The following C3orf49 variants were observed in gnomAD, a reference collection of about 807,000 sequenced individuals.
The protein encoded by C3orf49 is putative uncharacterized protein C3orf49.
A neutral mutation model predicts 13.3 loss-of-function variants in C3orf49; 27 were observed. The observed-to-expected ratio is 2.02, with a 90% CI of 1.49 to 2.79. The LOEUF (loss-of-function observed/expected upper bound fraction) is 2.79, where lower values mean the gene tolerates loss of function less well. C3orf49 is among the 30% of genes most tolerant of loss of function. The pLI is 0.00. For missense variants in C3orf49, 242 were observed against 134.2 expected (o/e 1.80, Z -3.97); for synonymous variants, 87 against 47.6 (o/e 1.83, Z -3.40).
chr3:63,795,689 G>A, the C3orf49 span, among the ~76,000 whole-genome samples: 1 of 152,024 alleles, frequency 6.6e-6, no homozygotes, highest in South Asian at 2.1e-4. Context: ...GACACTCCAG[G>A]CCCCATGTCT....
the C3orf49 span, among the ~76,000 whole-genome samples, chr3:63,801,023 T>C: frequency 6.6e-6 from 1 of 152,108 alleles, no homozygotes; most frequent in East Asian, 1.9e-4. Flanking sequence ...GCTCGCAGTT[T>C]TAGAAGTCAG....
In C3orf49 at chr3:63,842,483, T is replaced by A. The variant is rs994502360; in HGVS notation, c.850-2540T>A. ...CTGATCAATGAGTGAATAAAGAAAATGTGGTATCTATACACCATGGAATAC... is the reference window on the plus strand; with the variant it reads ...CTGATCAATGAGTGAATAAAGAAAAAGTGGTATCTATACACCATGGAATAC... On this transcript the variant is annotated intron_variant, in intron 5 of 6. Transcript: ENST00000295896. Among the ~76,000 whole-genome samples the A allele has an allele frequency of 1.1e-4, 17 of 152,110 alleles. No homozygotes were observed. In the Middle Eastern group the frequency reaches 0.014, roughly 122 times the overall value.
At chr3:63,832,576 T>C (rs1701548654) in intron 5 of C3orf49, among the ~76,000 whole-genome samples, 1 of 151,924 alleles carries the variant, frequency 6.6e-6, no homozygotes, top group South Asian at 2.1e-4. Context: ...ATAGAAGAAT[T>C]GCTTAAGCCT....
At chr3:63,842,955 TA>T (rs1423654769) in intron 5 of C3orf49, among the ~76,000 whole-genome samples, 11 of 151,706 alleles carry the variant, frequency 7.3e-5, no homozygotes. Context: ...CTAATTTTTG[TA>T]TTTTTTTTTT....
the C3orf49 span, chr3:63,782,485 A>G: frequency 1.3e-5 from 2 of 152,218 alleles, no homozygotes; most frequent in African/African-American, 4.8e-5. Flanking sequence ...AAATCTTTAG[A>G]TTTCCAGCTG....
the C3orf49 span, among the ~76,000 whole-genome samples, chr3:63,792,445 A>C: frequency 1.3e-5 from 2 of 152,244 alleles, no homozygotes; most frequent in Non-Finnish European, 2.9e-5. Flanking sequence ...GCCTAAACTA[A>C]ATGATATTTC....
the C3orf49 span, among the ~76,000 whole-genome samples, chr3:63,794,462 G>A: frequency 6.6e-6 from 1 of 152,026 alleles, no homozygotes; most frequent in Non-Finnish European, 1.5e-5. Flanking sequence ...AATTTCCCTT[G>A]ATTCCAAAAT....
the C3orf49 span, among the ~76,000 whole-genome samples, chr3:63,796,030 A>G: frequency 1.3e-5 from 2 of 152,194 alleles, no homozygotes; most frequent in Admixed American, 6.5e-5. Flanking sequence ...ACAAAAATGG[A>G]TAATGTGATA....
chr3:63,790,527 G>A, the C3orf49 span, among the ~76,000 whole-genome samples: 1,475 of 151,244 alleles, frequency 9.8e-3, 14 homozygotes, highest in Middle Eastern at 0.025. Flanking sequence ...ACCTGGGAAC[G>A]AATATTTATT....
At chr3:63,798,296 G>A in the C3orf49 span, among the ~76,000 whole-genome samples, 1 of 152,060 alleles carries the variant, frequency 6.6e-6, no homozygotes, top group African/African-American at 2.4e-5. Flanking sequence ...GGAACTGTTG[G>A]TATGATAGGA....
At chr3:63,829,778 TG>T (rs1701509608) in intron 3 of C3orf49, among the ~76,000 whole-genome samples, 2 of 151,644 alleles carry the variant, frequency 1.3e-5, no homozygotes, top group African/African-American at 4.8e-5. Flanking sequence ...CTGGGCAACA[TG>T]GCAAAACCCC....
intron 2 of C3orf49, among the ~76,000 whole-genome samples, chr3:63,825,222 C>T (rs925670558): frequency 3.3e-5 from 5 of 152,026 alleles, no homozygotes; most frequent in Non-Finnish European, 7.4e-5. Flanking sequence ...AGGAAACACA[C>T]AGCCCTTCTA....
At chr3:63,819,856 A>G (rs1056500152) in intron 1 of C3orf49, among the ~76,000 whole-genome samples, 9 of 152,144 alleles carry the variant, frequency 5.9e-5, no homozygotes, top group Non-Finnish European at 1.3e-4. Flanking sequence ...ATAAGTTCTG[A>G]TCCTATGTTG....
At chr3:63,797,971 C>T in the C3orf49 span, among the ~76,000 whole-genome samples, 1 of 152,074 alleles carries the variant, frequency 6.6e-6, no homozygotes, top group Non-Finnish European at 1.5e-5. Flanking sequence ...TTCTAATAAC[C>T]CCAGAGATAG....
At chr3:63,837,699 A>C (rs549261353) in intron 5 of C3orf49, among the ~76,000 whole-genome samples, 1 of 152,060 alleles carries the variant, frequency 6.6e-6, no homozygotes, top group African/African-American at 2.4e-5. Context: ...CAAGATGGTA[A>C]AAATTTAATA....
intron 2 of C3orf49, among the ~76,000 whole-genome samples, 198 bp downstream of exon 2, chr3:63,823,767 TG>T (rs397875705): frequency 2.1e-4 from 1 of 4,866 alleles, no homozygotes; most frequent in Non-Finnish European, 9.4e-4. Context: ...TTCATACCGT[TG>T]TGTGTGTGTG....
At chr3:63,845,526 C>T (rs964229530) in intron 6 of C3orf49, among the ~76,000 whole-genome samples, 2 of 152,130 alleles carry the variant, frequency 1.3e-5, no homozygotes, top group African/African-American at 4.8e-5. Flanking sequence ...TAAAGGTAAC[C>T]AACGGCAGTC....
the C3orf49 span, chr3:63,779,779 T>C: frequency 6.6e-6 from 1 of 152,120 alleles, no homozygotes; most frequent in Non-Finnish European, 1.5e-5. Context: ...AAGACGGCAA[T>C]AGCATACGGT....
the C3orf49 span, among the ~76,000 whole-genome samples, chr3:63,785,171 C>T: frequency 3.6e-5 from 5 of 140,040 alleles, no homozygotes; most frequent in Non-Finnish European, 7.6e-5. Context: ...CTCCTGGGTT[C>T]ACGCATTCTC....
Sources: gnomAD v4.1 joint callset for allele counts (sites outside exome capture counted in the v4.1 genomes callset) on GRCh38, gnomAD v4.1.1 for gene constraint, MANE v1.5 for transcripts, NCBI Gene and HGNC (gene_info 2026-07-23, HGNC 2026-07-21) for gene names.